The following WHRN variants were observed in gnomAD, a reference collection of about 807,000 sequenced individuals.
WHRN encodes the protein CASK-interacting protein CIP98.
Under a neutral mutation model 68.3 loss-of-function variants are expected in WHRN, and 41 were observed. That is an observed-to-expected ratio of 0.60 (90% CI 0.47 to 0.78). The LOEUF is 0.78. Ranked by LOEUF, WHRN falls within the 30% of genes least tolerant of loss-of-function variation. The pLI is 0.00. For missense variants in WHRN, 1,243 were observed against 1,244.7 expected (o/e 1.00, Z 0.02); for synonymous variants, 560 against 561.3 (o/e 1.00, Z 0.03).
rs141325773 is a variant in WHRN at position 114,413,687 on chromosome 9, T to A, written c.1627-5669A>T. 9.2e-4 allele frequency among the ~76,000 whole-genome samples: 140 copies of A among 152,330 alleles called. 2 individuals carry two copies. In the East Asian group the frequency reaches 9.6e-3, roughly 10 times the overall value. On this transcript the variant is annotated intron_variant, in intron 7 of 11. Transcript: ENST00000362057. The stretch of plus-strand genomic sequence containing the variant: ...TGGGCCCCGCACTGGCTGGTGTGGC[T>A]GAGATCACAAGAACAACCTCAACAC...
At chr9:114,420,496 A>T (rs1036830917) in intron 7 of WHRN, among the ~76,000 whole-genome samples, 5 of 152,194 alleles carry the variant, frequency 3.3e-5, no homozygotes, top group African/African-American at 1.2e-4. Context: ...GCAGAGCTTC[A>T]AGGAGGGCCC....
At chr9:114,496,401 T>C (rs182926540) in intron 1 of WHRN, among the ~76,000 whole-genome samples, 1 of 152,298 alleles carries the variant, frequency 6.6e-6, no homozygotes, top group East Asian at 1.9e-4. Flanking sequence ...ATTACGTTTT[T>C]AAAGAAACTC....
At chr9:114,412,672 C>CT (rs1380055859) in intron 7 of WHRN, among the ~76,000 whole-genome samples, 2 of 152,196 alleles carry the variant, frequency 1.3e-5, no homozygotes, top group East Asian at 3.8e-4. Context: ...AGCAAATTCC[C>CT]TTTTTTTCAG....
intron 7 of WHRN, among the ~76,000 whole-genome samples, chr9:114,422,762 G>GA (rs35496774): frequency 0.21 from 31,239 of 152,196 alleles, 3,709 homozygotes; most frequent in East Asian, 0.33. Flanking sequence ...TTGAACTGGG[G>GA]AGGTGGAGGT....
At chr9:114,456,867 T>C (rs1221271227) in intron 3 of WHRN, among the ~76,000 whole-genome samples, 2 of 150,950 alleles carry the variant, frequency 1.3e-5, no homozygotes, top group East Asian at 3.9e-4. Flanking sequence ...AATTCTGAAA[T>C]GACTTTGTTT....
At chr9:114,481,932 A>T (rs1390107322) in intron 1 of WHRN, among the ~76,000 whole-genome samples, 4 of 151,974 alleles carry the variant, frequency 2.6e-5, no homozygotes, top group Non-Finnish European at 5.9e-5. Flanking sequence ...GTGAGAGACA[A>T]GGCATTGCCT....
intron 7 of WHRN, 63 bp from the exon 8 acceptor site, chr9:114,408,081 C>T (rs1441261915): frequency 1.5e-6 from 2 of 1,366,094 alleles, no homozygotes; most frequent in South Asian, 1.2e-5. Context: ...CTGGTTTGTT[C>T]TCCAGCACAC....
chr9:114,406,582 G>A lies in WHRN; in HGVS notation c.2009C>T (p.Ala670Val), dbSNP rs1378146164. 3 of 1,611,060 alleles carry A rather than the reference G, an allele frequency of 1.9e-6. No homozygotes were observed. Among genetic ancestry groups the A allele is most frequent in the East Asian group, 2.2e-5 (1 of 44,824 alleles). ...SSKRPLDAHLALVNQHPIGPF... is the reference protein window; with the variant it reads ...SSKRPLDAHLVLVNQHPIGPF... ...GCCGATGGGGTGTTGGTTGACCAGG[G>A]CCAGATGGGCGTCCAGCGGCCTCTT... The change falls in exon 9 of 12, where the codon GCC becomes GTC. Residue 670 changes from alanine to valine, a missense_variant. By Grantham distance (64) the Ala-to-Val change is moderately conservative. Coordinates refer to ENST00000362057, the MANE Select transcript of WHRN (RefSeq NM_015404.4).
intron 3 of WHRN, among the ~76,000 whole-genome samples, chr9:114,456,045 G>GT (rs1839761613): frequency 6.6e-6 from 1 of 150,936 alleles, no homozygotes; most frequent in Admixed American, 6.6e-5. Context: ...TTGAAGTATG[G>GT]TTTTTATTGA....
chr9:114,445,599 C>T (rs933690461), intron 3 of WHRN, among the ~76,000 whole-genome samples: 1 of 152,184 alleles, frequency 6.6e-6, no homozygotes, highest in Non-Finnish European at 1.5e-5. Context: ...AGGCCACCAT[C>T]ATCTCTCCCA....
chr9:114,458,583 G>A (rs1297214302), intron 3 of WHRN, among the ~76,000 whole-genome samples: 2 of 152,264 alleles, frequency 1.3e-5, no homozygotes, highest in Admixed American at 6.5e-5. Context: ...GTTTGATGGC[G>A]GCAGAGGGGG....
intron 1 of WHRN, among the ~76,000 whole-genome samples, chr9:114,492,991 C>T (rs1204911443): frequency 1.3e-5 from 2 of 151,116 alleles, no homozygotes; most frequent in Admixed American, 6.6e-5. Flanking sequence ...CACTCCAGCC[C>T]GGGTGACTGA....
intron 7 of WHRN, among the ~76,000 whole-genome samples, chr9:114,414,609 G>C (rs998853508): frequency 1.3e-5 from 2 of 152,174 alleles, no homozygotes; most frequent in Non-Finnish European, 2.9e-5. Context: ...GGCTCTGTTT[G>C]GTGGAAAGAG....
chr9:114,433,973 G>A (rs1384859251), intron 3 of WHRN, among the ~76,000 whole-genome samples: 1 of 152,228 alleles, frequency 6.6e-6, no homozygotes, highest in African/African-American at 2.4e-5. Flanking sequence ...ATGAAGGCCT[G>A]CTCTAACCCA....
At chr9:114,436,459 T>C (rs1237552431) in intron 3 of WHRN, among the ~76,000 whole-genome samples, 1 of 152,030 alleles carries the variant, frequency 6.6e-6, no homozygotes, top group African/African-American at 2.4e-5. Context: ...TGGGGACGGG[T>C]TGGGGCAGAG....
At position 114,504,925 on chromosome 9, in the gene WHRN, T is replaced by G. The variant is rs1844277127; in HGVS notation, c.-124A>C. 2.1e-5 allele frequency: 27 copies of G among 1,292,490 alleles called. No homozygotes were observed. In the South Asian group the frequency reaches 5.9e-4, roughly 28 times the overall value. The allele number at this position is 1,292,490 out of a possible 1,614,324, so 80.1% of individuals were successfully genotyped here. ...GGAGACGACGGCTGGAGCCTGGGTT[T>G]GGGGAGCACGGGTACAGTGGCTGGA... On this transcript the variant is annotated 5_prime_UTR_variant, in exon 1 of 12. Transcript: ENST00000362057.
chr9:114,439,329 T>C (rs1176683460), intron 3 of WHRN, among the ~76,000 whole-genome samples: 2 of 152,146 alleles, frequency 1.3e-5, no homozygotes, highest in Admixed American at 6.5e-5. Flanking sequence ...GGAAACAAAA[T>C]AACTAACCCA....
intron 2 of WHRN, among the ~76,000 whole-genome samples, chr9:114,467,693 T>C (rs1279274297): frequency 2.0e-5 from 3 of 152,120 alleles, no homozygotes; most frequent in Admixed American, 2.0e-4. Context: ...GAACGGTTCC[T>C]AATCCATGAG....
intron 7 of WHRN, among the ~76,000 whole-genome samples, chr9:114,421,893 G>C (rs989372677): frequency 1.3e-5 from 2 of 152,192 alleles, no homozygotes; most frequent in African/African-American, 4.8e-5. Context: ...TCCCAGGAAG[G>C]GGATGAGCAC....
Sources: gnomAD v4.1 joint callset for allele counts (sites outside exome capture counted in the v4.1 genomes callset) on GRCh38, gnomAD v4.1.1 for gene constraint, MANE v1.5 for transcripts, NCBI Gene and HGNC (gene_info 2026-07-23, HGNC 2026-07-21) for gene names.